AMOTL1: variants seen among roughly 807,000 people sequenced by gnomAD.
AMOTL1 encodes the protein angiomotin-like protein 1.
AMOTL1 carries 45 observed loss-of-function variants against 102.9 expected under a neutral mutation model. The ratio of observed to expected loss-of-function variants is 0.44; its 90% confidence interval spans 0.34 to 0.56. The LOEUF is 0.56. Among genes scored for constraint, AMOTL1 ranks in the 20% least tolerant of loss-of-function variants. The pLI, the probability that AMOTL1 is intolerant of heterozygous loss-of-function variation, is 0.01. For missense variants in AMOTL1, 1,114 were observed against 1,225.6 expected (o/e 0.91, Z 1.36); for synonymous variants, 481 against 484.7 (o/e 0.99, Z 0.10).
At chr11:94,773,440 G>T (rs376382170) in intron 1 of AMOTL1, among the ~76,000 whole-genome samples, 1 of 152,138 alleles carries the variant, frequency 6.6e-6, no homozygotes, top group Non-Finnish European at 1.5e-5. Flanking sequence ...ATTAGGTCTC[G>T]AATATGCACA....
At chr11:94,808,581 G>A (rs1302500864) in intron 3 of AMOTL1, among the ~76,000 whole-genome samples, 1 of 152,114 alleles carries the variant, frequency 6.6e-6, no homozygotes, top group Non-Finnish European at 1.5e-5. Flanking sequence ...ATTCATGCTT[G>A]AGAATCTGGG....
intron 9 of AMOTL1, among the ~76,000 whole-genome samples, chr11:94,863,692 G>A (rs1161489216): frequency 6.6e-6 from 1 of 152,222 alleles, no homozygotes; most frequent in African/African-American, 2.4e-5. Context: ...AAATACTCAT[G>A]TAGTCAGAGC....
rs1039170504 is a variant in AMOTL1, at chr11:94,875,613, T to C, written c.*4818T>C. On this transcript the variant is annotated 3_prime_UTR_variant, in exon 13 of 13. Transcript: ENST00000433060. Reference sequence around the variant, plus strand: ...TGTTCCTTTGGTTTACCCTTAGAGATGAGAAATCCTCCTCCTTTGAGGATG... The same window carrying C: ...TGTTCCTTTGGTTTACCCTTAGAGACGAGAAATCCTCCTCCTTTGAGGATG... 1 of 149,054 alleles carries C rather than the reference T, an allele frequency of 6.7e-6. No individual in the cohort carries two copies. The highest frequency in any genetic ancestry group is 1.5e-5 in the Non-Finnish European group (1 of 68,012). The allele number at this position is 149,054 out of a possible 1,614,324, so 9.2% of individuals were successfully genotyped here. A position where few individuals can be genotyped will look rare whatever the true frequency, so the allele number is the denominator to read the frequency against.
intron 3 of AMOTL1, 35 bp from the exon 4 acceptor site, chr11:94,821,495 C>A (rs1246574721): frequency 6.3e-7 from 1 of 1,594,202 alleles, no homozygotes; most frequent in Admixed American, 1.7e-5. Context: ...CACCATTTCC[C>A]CAGGCTCTAA....
At chr11:94,742,414 G>A (rs537549868) in intron 3 of AMOTL1, among the ~76,000 whole-genome samples, 7 of 152,326 alleles carry the variant, frequency 4.6e-5, no homozygotes, top group South Asian at 2.1e-4. Flanking sequence ...GGTAGGATGA[G>A]CATTGCTTGC....
intron 1 of AMOTL1, among the ~76,000 whole-genome samples, chr11:94,770,602 C>T (rs892311878): frequency 2.0e-5 from 3 of 152,132 alleles, no homozygotes; most frequent in African/African-American, 7.2e-5. Flanking sequence ...CCCTTTCCCT[C>T]CCCCTTCTTT....
rs930884394 is a variant in AMOTL1, at chr11:94,875,251, G to A, written c.*4456G>A. ...ATTAAGAAGTTACCAGAAATTGGTC[G>A]GCTGGGGAAATGCAAAAGTTAGCAT... On this transcript the variant is annotated 3_prime_UTR_variant, in exon 13 of 13. Transcript: ENST00000433060. 1.6e-4 allele frequency: 24 copies of A among 152,292 alleles called. No homozygotes were observed. The highest frequency in any genetic ancestry group is 2.8e-4 in the Non-Finnish European group (19 of 68,000). The allele number at this position is 152,292 out of a possible 1,614,324, so 9.4% of individuals were successfully genotyped here.
intron 3 of AMOTL1, among the ~76,000 whole-genome samples, chr11:94,748,499 A>G (rs78730921): frequency 0.021 from 3,190 of 152,304 alleles, 82 homozygotes; most frequent in Non-Finnish European, 0.024. Flanking sequence ...TGGGTAGGGT[A>G]CAGGGAGAAA....
chr11:94,867,162 G>A (rs1393793652), intron 11 of AMOTL1, among the ~76,000 whole-genome samples: 3 of 152,154 alleles, frequency 2.0e-5, no homozygotes, highest in Middle Eastern at 3.2e-3. Context: ...GCTTCCATAT[G>A]AACCCGACAG....
intron 3 of AMOTL1, among the ~76,000 whole-genome samples, chr11:94,807,777 C>T (rs1752787339): frequency 6.6e-6 from 1 of 151,312 alleles, no homozygotes; most frequent in Non-Finnish European, 1.5e-5. Flanking sequence ...GCTGGCTCTT[C>T]AGAGGACTGA....
At position 94,875,561 on chromosome 11, in the gene AMOTL1, T is replaced by C. The variant is rs1953080463; in HGVS notation, c.*4766T>C. On this transcript the variant is annotated 3_prime_UTR_variant, in exon 13 of 13. Transcript: ENST00000433060. ...AGTAAAAATATCTTGGGAACTCTTC[T>C]ACTAGAATGGCCTTCAGGGCTTGGC... is the stretch of plus-strand genomic sequence containing the variant. The C allele has an allele frequency of 1.3e-5, 2 of 152,372 alleles. No individual in the cohort carries two copies. Among genetic ancestry groups the C allele is most frequent in the South Asian group, 4.1e-4 (2 of 4,834 alleles). The allele number at this position is 152,372 out of a possible 1,614,324, so 9.4% of individuals were successfully genotyped here. A position where few individuals can be genotyped will look rare whatever the true frequency, so the allele number is the denominator to read the frequency against.
rs145077164 is a variant in AMOTL1, at chr11:94,867,850, G to T, written c.2489-1348G>T. Among the ~76,000 whole-genome samples, 277 of 152,326 alleles carry T rather than the reference G, an allele frequency of 1.8e-3. 4 individuals carry two copies. Among genetic ancestry groups the T allele is most frequent in the African/African-American group, 6.4e-3 (268 of 41,568 alleles). On this transcript the variant is annotated intron_variant, in intron 11 of 12. Transcript: ENST00000433060. ...TGGGCGATGAAGTGGAAAGAACATA[G>T]GTTGGACTCCAAGTCAGGCACAGTT... is the stretch of plus-strand genomic sequence containing the variant.
chr11:94,794,350 TGACTGAAGGACTG>T (rs1951330163), intron 1 of AMOTL1, among the ~76,000 whole-genome samples: 2 of 152,184 alleles, frequency 1.3e-5, no homozygotes. Context: ...TCATGTTCAG[TGACTGAAGGACTG>T]AACACAGTGT....
chr11:94,795,344 G>A (rs1317984959), intron 2 of AMOTL1, among the ~76,000 whole-genome samples, 184 bp downstream of exon 2: 2 of 152,056 alleles, frequency 1.3e-5, no homozygotes, highest in East Asian at 1.9e-4. Flanking sequence ...GGTGTTAATA[G>A]ACTGCTTTAC....
Position 94,869,431 on chromosome 11 carries a change from G to A in AMOTL1, c.2722G>A (p.Val908Ile), listed in dbSNP as rs144423593. 3.6e-4 allele frequency: 575 copies of A among 1,604,054 alleles called. 3 individuals are homozygous for A. In the African/African-American group the frequency reaches 6.2e-3, roughly 17 times the overall value. The change falls in exon 12 of 13, where the codon GTC (valine) becomes ATC (isoleucine). Residue 908 changes from valine (V) to isoleucine (I), a missense_variant. Coordinates refer to ENST00000433060, the MANE Select transcript of AMOTL1 (RefSeq NM_130847.3). ...RLSTTPAHSP[V>I]LKHPAAKGTA... ...GAGCACGACCCCTGCTCACAGCCCC[G>A]TCCTGAAACACCCAGCGGCCAAAGG...
chr11:94,740,845 T>G, intron 2 of AMOTL1: 1 of 1,094,570 alleles, frequency 9.1e-7, no homozygotes, highest in Non-Finnish European at 1.2e-6. Flanking sequence ...AAGCCCGCGC[T>G]TTTCCCGGGG....
At chr11:94,846,787 T>C (rs929388600) in intron 6 of AMOTL1, among the ~76,000 whole-genome samples, 8 of 152,170 alleles carry the variant, frequency 5.3e-5, no homozygotes, top group African/African-American at 1.9e-4. Flanking sequence ...GATCATCACC[T>C]CTGTGGGCAA....
rs1277691989 is a variant in AMOTL1 at position 94,799,886 on chromosome 11, G to A, written c.696G>A (p.Gly232=). The A allele has an allele frequency of 6.3e-7, 1 of 1,598,370 alleles. No individual in the cohort carries two copies. Residue 232 remains glycine, a synonymous_variant, in exon 3 of 13, where the codon GGG becomes GGA. Transcript: ENST00000433060. The surrounding 1 kb of genome is among the most constrained non-coding windows in gnomAD (Gnocchi z 4.5). The stretch of plus-strand genomic sequence containing the variant: ...CCAGTCAGAAGTCCCGAACTGAGGG[G>A]AGGCCCACTGTGAACCGTGCCAACA... ...GGTSQKSRTE[G]RPTVNRANSG...
intron 3 of AMOTL1, among the ~76,000 whole-genome samples, chr11:94,805,035 T>G (rs1951545161): frequency 6.6e-6 from 1 of 152,248 alleles, no homozygotes; most frequent in South Asian, 2.1e-4. Flanking sequence ...AGCCAGCAGC[T>G]TGCAAGTGCA....
Sources: allele counts gnomAD v4.1 joint callset (sites outside exome capture counted in the v4.1 genomes callset), GRCh38; gene constraint gnomAD v4.1.1; non-coding constraint Gnocchi (gnomAD v3.1); transcripts MANE v1.5; gene names NCBI Gene and HGNC (gene_info 2026-07-23, HGNC 2026-07-21).